Variants in ITGB3BP observed in about 807,000 individuals in gnomAD.
The protein encoded by ITGB3BP is integrin subunit beta 3 binding protein.
Under a neutral mutation model 29.1 loss-of-function variants are expected in ITGB3BP, and 27 were observed. That is an observed-to-expected ratio of 0.93 (90% CI 0.68 to 1.28). ITGB3BP has a LOEUF of 1.28. ITGB3BP is among the 50% of genes most tolerant of loss of function. The pLI is 0.00. For synonymous variants in ITGB3BP, 61 were observed against 61.4 expected (o/e 0.99, Z 0.03); for missense variants, 192 against 200.2 (o/e 0.96, Z 0.25).
chr1:63,519,364 G>C (rs1646400606), intron 1 of ITGB3BP, among the ~76,000 whole-genome samples: 1 of 152,034 alleles, frequency 6.6e-6, no homozygotes, highest in Non-Finnish European at 1.5e-5. Context: ...AAGAATGGTT[G>C]TATGGGTACT....
chr1:63,482,909 C>A (rs1423056322), intron 3 of ITGB3BP, among the ~76,000 whole-genome samples: 1 of 152,076 alleles, frequency 6.6e-6, no homozygotes, highest in Non-Finnish European at 1.5e-5. Context: ...CCGCCTCAGC[C>A]CCCCAAAGTG....
At chr1:63,465,530 T>A (rs1645085045) in intron 4 of ITGB3BP, among the ~76,000 whole-genome samples, 1 of 151,886 alleles carries the variant, frequency 6.6e-6, no homozygotes, top group South Asian at 2.1e-4. Context: ...GTAGTGGGAC[T>A]ACAAGCATGT....
chr1:63,522,447 C>A (rs1646474485), intron 1 of ITGB3BP, among the ~76,000 whole-genome samples: 1 of 152,170 alleles, frequency 6.6e-6, no homozygotes, highest in African/African-American at 2.4e-5. Flanking sequence ...ACTCCCCCAA[C>A]CTTTAATGGC....
At chr1:63,484,444 G>A (rs1025205117) in intron 3 of ITGB3BP, among the ~76,000 whole-genome samples, 2 of 151,600 alleles carry the variant, frequency 1.3e-5, no homozygotes, top group African/African-American at 4.8e-5. Flanking sequence ...GTGCTGACAT[G>A]TTTTCATTAT....
At chr1:63,448,181 G>T (rs1394836169) in intron 7 of ITGB3BP, among the ~76,000 whole-genome samples, 1 of 109,750 alleles carries the variant, frequency 9.1e-6, no homozygotes, top group Non-Finnish European at 1.8e-5. Context: ...GACTGTTGTG[G>T]GGTGGGGGGA....
At chr1:63,446,282 G>T (rs1469303650) in intron 8 of ITGB3BP, among the ~76,000 whole-genome samples, 1 of 152,138 alleles carries the variant, frequency 6.6e-6, no homozygotes, top group Non-Finnish European at 1.5e-5. Context: ...TGGCTTATTT[G>T]TTATAATAAG....
chr1:63,469,892 C>G (rs936239518), intron 4 of ITGB3BP, among the ~76,000 whole-genome samples: 1 of 152,198 alleles, frequency 6.6e-6, no homozygotes, highest in East Asian at 1.9e-4. Context: ...ATGGCCGTAA[C>G]GCCCACGCTG....
chr1:63,500,673 A>G (rs1378644874), intron 2 of ITGB3BP, among the ~76,000 whole-genome samples: 2 of 152,236 alleles, frequency 1.3e-5, no homozygotes, highest in African/African-American at 4.8e-5. Context: ...CATGGTTTGG[A>G]TGACTTACTA....
chr1:63,453,900 T>C lies in ITGB3BP; in HGVS notation c.484+18A>G. On this transcript the variant is annotated intron_variant, in intron 7 of 8. Transcript: ENST00000271002. ...ATGAAAGCATCTTTATGTAATAAAC[T>C]AAAACACAACTACTTACCTTTGTGA... is the stretch of plus-strand genomic sequence containing the variant. The C allele has an allele frequency of 2.0e-6, 3 of 1,500,890 alleles. No homozygotes were observed. The highest frequency in any genetic ancestry group is 1.8e-5 in the Admixed American group (1 of 56,764). The allele number at this position is 1,500,890 out of a possible 1,614,324, so 93.0% of individuals were successfully genotyped here. A position where few individuals can be genotyped will look rare whatever the true frequency, so the allele number is the denominator to read the frequency against.
chr1:63,501,520 G>A (rs1263600591), intron 2 of ITGB3BP, among the ~76,000 whole-genome samples: 1 of 152,088 alleles, frequency 6.6e-6, no homozygotes, highest in Non-Finnish European at 1.5e-5. Flanking sequence ...TGAGAGAAAT[G>A]TTCTAGGATT....
At chr1:63,476,052 C>A (rs1645334156) in intron 4 of ITGB3BP, among the ~76,000 whole-genome samples, 1 of 148,436 alleles carries the variant, frequency 6.7e-6, no homozygotes, top group African/African-American at 2.5e-5. Flanking sequence ...AAGAGATGGT[C>A]TCACTGTGTT....
At position 63,478,809 on chromosome 1, in the gene ITGB3BP, G is replaced by C; in HGVS notation, c.209C>G (p.Pro70Arg). The C allele has an allele frequency of 1.4e-6, 2 of 1,440,280 alleles. No homozygotes were observed. The highest frequency in any genetic ancestry group is 1.9e-6 in the Non-Finnish European group (2 of 1,065,518). 89.2% of individuals were successfully genotyped at this position (1,440,280 alleles called of 1,614,324 possible). A position where few individuals can be genotyped will look rare whatever the true frequency, so the allele number is the denominator to read the frequency against. Residue 70 changes from proline (P) to arginine (R), a missense_variant, in exon 4 of 9, where the codon CCC becomes CGC. Pro to Arg is a moderately radical substitution (Grantham distance 103). Transcript: ENST00000271002. ...SNEKRKKLNH[P>R]SLTESKESTT... ...AGATTCTTTGCTTTCAGTTAAACTG[G>C]GGTGATTCAATTTTTTTCTCTTTTC...
At chr1:63,525,272 C>A (rs1646567204), upstream of ITGB3BP, among the ~76,000 whole-genome samples, 2 of 152,024 alleles carry the variant, frequency 1.3e-5, no homozygotes, top group South Asian at 4.2e-4. Flanking sequence ...TATCTTTGTT[C>A]TTTTGGCTAT....
chr1:63,456,129 T>A (rs1041583320), intron 4 of ITGB3BP, among the ~76,000 whole-genome samples: 14 of 152,266 alleles, frequency 9.2e-5, no homozygotes, highest in Admixed American at 6.5e-4. Flanking sequence ...ATTTAAATGC[T>A]TTTTCAAGAT....
At chr1:63,446,539 CAGTT>C in intron 8 of ITGB3BP, 1 of 418,114 alleles carries the variant, frequency 2.4e-6, no homozygotes, top group Non-Finnish European at 4.4e-6. Flanking sequence ...CTTTTACACT[CAGTT>C]AAAAATGTGT....
rs1644901262 is a variant in ITGB3BP at position 63,454,233 on chromosome 1, C to T, written c.427+147G>A. ...CAAAATAACACATCCTGATAAAAGA[C>T]ATGTGGCTTCTTATTTAAAGAAGGT... On this transcript the variant is annotated intron_variant, in intron 6 of 8. Coordinates refer to ENST00000271002, the MANE Select transcript of ITGB3BP (RefSeq NM_014288.5). This position sits in a 1 kb window ranked among gnomAD's most constrained non-coding sequence, Gnocchi z 4.1. The T allele has an allele frequency of 2.0e-6, 1 of 502,186 alleles. No individual in the cohort carries two copies. The highest frequency in any genetic ancestry group is 2.0e-5 in the African/African-American group (1 of 50,458). The allele number at this position is 502,186 out of a possible 1,614,324, so 31.1% of individuals were successfully genotyped here.
At chr1:63,494,936 G>A (rs2100701855) in intron 2 of ITGB3BP, among the ~76,000 whole-genome samples, 1 of 152,216 alleles carries the variant, frequency 6.6e-6, no homozygotes, top group South Asian at 2.1e-4. Context: ...CTGAGTAGCT[G>A]AGGCTATAGG....
chr1:63,451,517 A>G (rs12066782), intron 7 of ITGB3BP, among the ~76,000 whole-genome samples: 1,245 of 58,732 alleles, frequency 0.021, 15 homozygotes, highest in African/African-American at 0.07. Context: ...AATTAGCAAA[A>G]TCCTCTTAAA....
At chr1:63,473,314 C>T (rs1047514805) in intron 4 of ITGB3BP, among the ~76,000 whole-genome samples, 1 of 151,646 alleles carries the variant, frequency 6.6e-6, no homozygotes, top group Non-Finnish European at 1.5e-5. Context: ...AGCGTCTCCG[C>T]CCGGCAGCCA....
Sources: gnomAD v4.1 joint callset for allele counts (sites outside exome capture counted in the v4.1 genomes callset) on GRCh38, gnomAD v4.1.1 for gene constraint, Gnocchi (gnomAD v3.1) non-coding constraint, MANE v1.5 for transcripts, NCBI Gene and HGNC (gene_info 2026-07-23, HGNC 2026-07-21) for gene names.